Variants in GTSF1 observed in about 807,000 individuals in gnomAD.
GTSF1 encodes the protein gametocyte specific factor 1.
In GTSF1, 11 loss-of-function variants were observed where a neutral mutation model predicts 28.9. The ratio of observed to expected loss-of-function variants is 0.38; its 90% CI spans 0.24 to 0.63. The LOEUF is 0.63. Among genes scored for constraint, GTSF1 ranks in the 30% least tolerant of loss-of-function variants. GTSF1 has a pLI of 0.56. For missense variants in GTSF1, 146 were observed against 201.0 expected (o/e 0.73, Z 1.66); for synonymous variants, 69 against 65.6 (o/e 1.05, Z -0.25).
intron 5 of GTSF1, among the ~76,000 whole-genome samples, chr12:54,462,420 G>GA (rs1187970691): frequency 6.6e-6 from 1 of 152,088 alleles, no homozygotes; most frequent in African/African-American, 2.4e-5. Context: ...ACAATTTATG[G>GA]AAAAAAACAG....
chr12:54,465,756 A>G (rs1487175085), intron 2 of GTSF1, among the ~76,000 whole-genome samples: 2 of 152,174 alleles, frequency 1.3e-5, no homozygotes, highest in Non-Finnish European at 2.9e-5. Context: ...AAAGTTGGTA[A>G]GCACTGCCCT....
intron 8 of GTSF1, among the ~76,000 whole-genome samples, chr12:54,458,676 C>A (rs1321100774): frequency 6.6e-6 from 1 of 151,976 alleles, no homozygotes; most frequent in Non-Finnish European, 1.5e-5. Flanking sequence ...GGCCAGAAAC[C>A]CAAAACTTTT....
chr12:54,463,967 T>A (rs1956467278), intron 3 of GTSF1, among the ~76,000 whole-genome samples: 1 of 152,196 alleles, frequency 6.6e-6, no homozygotes, highest in African/African-American at 2.4e-5. Flanking sequence ...AAGGGTTTAG[T>A]ATCACCTATA....
Position 54,459,789 on chromosome 12 carries a change from G to C in GTSF1, c.487+588C>G, listed in dbSNP as rs1408068437. Among the ~76,000 whole-genome samples, 16 of 118,000 alleles carry C rather than the reference G, an allele frequency of 1.4e-4. 1 individual carries two copies. In the South Asian group the frequency reaches 1.9e-3, roughly 14 times the overall value. 77.4% of individuals were successfully genotyped at this position (118,000 alleles called of 152,430 possible). A position where few individuals can be genotyped will look rare whatever the true frequency, so the allele number is the denominator to read the frequency against. ...TCGCCCAGGCTGGAGTGCAGTGGCG[G>C]GATCTCGGCTCACTGCAAGCTCCGC... On this transcript the variant is annotated intron_variant, in intron 7 of 8. Coordinates refer to ENST00000305879, the MANE Select transcript of GTSF1 (RefSeq NM_144594.3).
In GTSF1 at chr12:54,465,170, GA is replaced by G; in HGVS notation, c.17-4del. 6.2e-7 allele frequency: 1 copy of G among 1,608,106 alleles called. No individual in the cohort carries two copies. The highest frequency in any genetic ancestry group is 8.5e-7 in the Non-Finnish European group (1 of 1,174,906). ...CTTCTCAGGGTCCAGGGAGTCGGCT[GA>G]AAGACAGAAGTGTTTCAGTAGGTAA... On this transcript the variant is annotated splice_polypyrimidine_tract_variant and splice_region_variant and intron_variant, in intron 2 of 8. Coordinates refer to ENST00000305879, the MANE Select transcript of GTSF1 (RefSeq NM_144594.3).
At chr12:54,470,944 G>A (rs1168001329) in intron 2 of GTSF1, among the ~76,000 whole-genome samples, 1 of 152,132 alleles carries the variant, frequency 6.6e-6, no homozygotes, top group Non-Finnish European at 1.5e-5. Context: ...AAAATAGAAA[G>A]TAGAAGTTAC....
chr12:54,468,046 C>T (rs1426186018), intron 2 of GTSF1, among the ~76,000 whole-genome samples: 1 of 152,132 alleles, frequency 6.6e-6, no homozygotes, highest in East Asian at 1.9e-4. Flanking sequence ...CAGGTGTGAG[C>T]CACCGCGCCT....
intron 1 of GTSF1, chr12:54,472,447 G>A (rs531854002): frequency 3.3e-5 from 5 of 152,322 alleles, no homozygotes; most frequent in Admixed American, 2.6e-4. Context: ...ATGGATAACA[G>A]AGTCACAAGA....
chr12:54,465,038 G>T (rs1956487956), intron 3 of GTSF1, 29 bp downstream of exon 3: 2 of 1,347,684 alleles, frequency 1.5e-6, no homozygotes, highest in Non-Finnish European at 2.1e-6. Context: ...GAACTCAGGA[G>T]GGTGTTAGAG....
chr12:54,459,419 A>G lies in GTSF1; in HGVS notation c.488-294T>C. ...TCTAGCCACCTAAAAATTAGCTCAA[A>G]CAGTAGCACAGACTGAAATCAAGAG... On this transcript the variant is annotated intron_variant, in intron 7 of 8. Coordinates refer to ENST00000305879, the MANE Select transcript of GTSF1 (RefSeq NM_144594.3). 2.2e-6 allele frequency: 3 copies of G among 1,356,634 alleles called. No homozygotes were observed. The South Asian group carries it at 3.7e-5, about 17-fold the overall frequency. 84.0% of individuals were successfully genotyped at this position (1,356,634 alleles called of 1,614,324 possible).
chr12:54,469,374 G>A (rs759629273), intron 2 of GTSF1, among the ~76,000 whole-genome samples: 29 of 151,982 alleles, frequency 1.9e-4, no homozygotes, highest in Non-Finnish European at 4.1e-4. Context: ...ACCGCACCCA[G>A]CCTTCTTTTT....
At chr12:54,471,129 G>C (rs1956588327) in intron 2 of GTSF1, 104 bp downstream of exon 2, 1 of 809,442 alleles carries the variant, frequency 1.2e-6, no homozygotes, top group Non-Finnish European at 1.8e-6. Context: ...CTCCTTAGCA[G>C]TTGAGAAGTC....
intron 1 of GTSF1, chr12:54,471,620 T>A (rs1430023384): frequency 3.4e-5 from 6 of 176,756 alleles, no homozygotes; most frequent in African/African-American, 1.4e-4. Context: ...TTAGCATCTA[T>A]TAGGGTTTGA....
chr12:54,465,584 T>A (rs1005946814), intron 2 of GTSF1, among the ~76,000 whole-genome samples: 5 of 152,142 alleles, frequency 3.3e-5, no homozygotes, highest in Admixed American at 2.0e-4. Flanking sequence ...ATACACTGAT[T>A]TGGGGGCCCA....
chr12:54,460,547 GT>G (rs1249971101), intron 6 of GTSF1, 76 bp from the exon 7 acceptor site: 20 of 984,286 alleles, frequency 2.0e-5, no homozygotes, highest in African/African-American at 4.9e-5. Flanking sequence ...ATCAAAATGT[GT>G]TTTTTGTAAT....
In GTSF1 at chr12:54,465,083, AGAT is replaced by A. The variant is rs1240172599; in HGVS notation, c.98_100del (p.His33del). ...TGACCCTACCTTTCTGCACTTGATAAGATGATAAGGAAACCTGCAAGCCCTGAT... is the reference window on the plus strand; with the variant it reads ...TGACCCTACCTTTCTGCACTTGATAAGATAAGGAAACCTGCAAGCCCTGAT... On this transcript the variant is annotated inframe_deletion, in exon 3 of 9. Coordinates refer to ENST00000305879, the MANE Select transcript of GTSF1 (RefSeq NM_144594.3). The A allele has an allele frequency of 2.5e-6, 4 of 1,612,750 alleles. No individual in the cohort carries two copies. The highest frequency in any genetic ancestry group is 3.4e-6 in the Non-Finnish European group (4 of 1,179,048).
At chr12:54,470,217 G>C (rs970780898) in intron 2 of GTSF1, among the ~76,000 whole-genome samples, 5 of 152,084 alleles carry the variant, frequency 3.3e-5, no homozygotes, top group Middle Eastern at 3.2e-3. Flanking sequence ...TTAAGGGGCA[G>C]GGGATCCCTT....
chr12:54,468,014 G>T (rs2120789997), intron 2 of GTSF1, among the ~76,000 whole-genome samples: 1 of 152,212 alleles, frequency 6.6e-6, no homozygotes, highest in Admixed American at 6.5e-5. Context: ...ACCTGCCTCA[G>T]CCTCCCAAAG....
rs761679153 is a variant in GTSF1, at chr12:54,463,278, C to T, written c.137G>A (p.Ser46Asn). ...KCRKNHPDVA[S>N]KLATCPFNAR... ...ATTGAAGGGACAAGTAGCCAATTTGCTTGCAACATCAGGATGATTCTGTGG... is the reference window on the plus strand; with the variant it reads ...ATTGAAGGGACAAGTAGCCAATTTGTTTGCAACATCAGGATGATTCTGTGG... Residue 46 changes from serine (S) to asparagine (N), a missense_variant, in exon 4 of 9, where the codon AGC becomes AAC. Physicochemically the swap from Ser to Asn is conservative, Grantham distance 46. Transcript: ENST00000305879. The T allele has an allele frequency of 1.2e-6, 2 of 1,613,758 alleles. No homozygotes were observed. The highest frequency in any genetic ancestry group is 1.7e-6 in the Non-Finnish European group (2 of 1,179,834).
Sources: gnomAD v4.1 joint callset for allele counts (sites outside exome capture counted in the v4.1 genomes callset) on GRCh38, gnomAD v4.1.1 for gene constraint, MANE v1.5 for transcripts, NCBI Gene and HGNC (gene_info 2026-07-23, HGNC 2026-07-21) for gene names.